The following COL5A2 variants were observed in gnomAD, a reference collection of about 807,000 sequenced individuals.
The protein encoded by COL5A2 is collagen alpha-2(V) chain.
A neutral mutation model predicts 208.2 loss-of-function variants in COL5A2; 23 were observed. The observed-to-expected ratio is 0.11, with a 90% confidence interval of 0.08 to 0.16. COL5A2 has a LOEUF of 0.16. COL5A2 is among the 10% of genes least tolerant of loss of function. The probability of loss-of-function intolerance (pLI) is 1.00; values close to 1 mark genes in which losing one functional copy is unlikely to be tolerated. For missense variants in COL5A2, 1,590 were observed against 1,956.4 expected, an observed-to-expected ratio of 0.81 and a Z score of 3.53; for synonymous variants, 625 against 628.5, an observed-to-expected ratio of 0.99 and a Z score of 0.08.
At chr2:189,101,814 GAGGCAGTTCTAT>G (rs1181544359) in intron 3 of COL5A2, among the ~76,000 whole-genome samples, 1 of 151,948 alleles carries the variant, frequency 6.6e-6, no homozygotes, top group Non-Finnish European at 1.5e-5. Flanking sequence ...CCAGAAGCAG[GAGGCAGTTCTAT>G]AGGGTAAGTT....
rs1553514920 is a variant in COL5A2 at position 189,058,490 on chromosome 2, C to T, written c.2168G>A (p.Gly723Glu). 6.2e-7 allele frequency: 1 copy of T among 1,613,958 alleles called. No homozygotes were observed. Among genetic ancestry groups the T allele is most frequent in the South Asian group, 1.1e-5 (1 of 91,074 alleles). The change falls in exon 33 of 54, where the codon GGG (glycine) becomes GAG (glutamate). Residue 723 changes from glycine (G) to glutamate (E), a missense_variant. Coordinates refer to ENST00000374866, the MANE Select transcript of COL5A2 (RefSeq NM_000393.5). ...CTTCTCACCAGGGAGTCCAGTTATCCCAGGTTCTCCTCTTTCCCCAGGATT... is the reference window on the plus strand; with the variant it reads ...CTTCTCACCAGGGAGTCCAGTTATCTCAGGTTCTCCTCTTTCCCCAGGATT... ...RGNPGERGEP[G>E]ITGLPGEKGM...
chr2:189,080,077 A>G (rs1294984673), intron 13 of COL5A2, 46 bp from the exon 14 acceptor site: 1 of 1,477,272 alleles, frequency 6.8e-7, no homozygotes, highest in Admixed American at 1.7e-5. Context: ...GTTTTTTTCA[A>G]TCCTCAAAGG....
intron 1 of COL5A2, among the ~76,000 whole-genome samples, chr2:189,153,307 C>A (rs1385082256): frequency 6.6e-6 from 1 of 152,132 alleles, no homozygotes; most frequent in Non-Finnish European, 1.5e-5. Context: ...TACATTATTT[C>A]ATTTGGTTCT....
intron 17 of COL5A2, among the ~76,000 whole-genome samples, chr2:189,075,070 T>C (rs1686374857): frequency 6.6e-6 from 1 of 152,198 alleles, no homozygotes; most frequent in South Asian, 2.1e-4. Flanking sequence ...GCCCACTGTG[T>C]TTTGTCATCT....
the COL5A2 span, among the ~76,000 whole-genome samples, chr2:189,401,169 C>G: frequency 1.3e-5 from 2 of 152,114 alleles, no homozygotes; most frequent in Non-Finnish European, 2.9e-5. Context: ...ATATTAAGCC[C>G]AGCATCCATG....
chr2:189,323,584 G>A, the COL5A2 span, among the ~76,000 whole-genome samples: 1 of 152,124 alleles, frequency 6.6e-6, no homozygotes, highest in Non-Finnish European at 1.5e-5. Flanking sequence ...GCTTCAAAGA[G>A]AATAAAATAC....
At chr2:189,417,507 T>C in the COL5A2 span, among the ~76,000 whole-genome samples, 3 of 152,246 alleles carry the variant, frequency 2.0e-5, no homozygotes, top group South Asian at 6.2e-4. Context: ...CAGATTATTT[T>C]GTTTAAACAC....
Position 189,063,967 on chromosome 2 carries a change from T to A in COL5A2, c.1770+13A>T, listed in dbSNP as rs1187938027. 1 of 1,607,340 alleles carries A rather than the reference T, an allele frequency of 6.2e-7. No homozygotes were observed. The highest frequency in any genetic ancestry group is 2.2e-5 in the East Asian group (1 of 44,696). On this transcript the variant is annotated intron_variant, in intron 26 of 53. Coordinates refer to ENST00000374866, the MANE Select transcript of COL5A2 (RefSeq NM_000393.5). ...AATATTAGTGGTTGTGGACTTCTGT[T>A]TAAATTACTTACCAAAGGTCCAAGT... is the stretch of plus-strand genomic sequence containing the variant.
intron 1 of COL5A2, among the ~76,000 whole-genome samples, chr2:189,122,851 G>A (rs915607341): frequency 1.3e-5 from 2 of 152,160 alleles, no homozygotes; most frequent in African/African-American, 4.8e-5. Flanking sequence ...GGCCACTAGT[G>A]GAAAATGTTA....
chr2:189,152,530 C>G (rs960751131), intron 1 of COL5A2, among the ~76,000 whole-genome samples: 87 of 152,318 alleles, frequency 5.7e-4, no homozygotes, highest in African/African-American at 2.0e-3. Flanking sequence ...CAGTGGAACA[C>G]AGTCAGGTGT....
At chr2:189,170,746 G>GT (rs1392797036) in intron 1 of COL5A2, among the ~76,000 whole-genome samples, 1 of 151,476 alleles carries the variant, frequency 6.6e-6, no homozygotes, top group Non-Finnish European at 1.5e-5. Context: ...GCACTCTTAG[G>GT]TAAAAAAAAA....
At chr2:189,289,715 AGT>A in the COL5A2 span, among the ~76,000 whole-genome samples, 1 of 152,234 alleles carries the variant, frequency 6.6e-6, no homozygotes, top group African/African-American at 2.4e-5. Flanking sequence ...TAAACATATT[AGT>A]AGTATTTCCG....
In COL5A2 at chr2:189,053,485, G is replaced by A. The variant is rs1576495930; in HGVS notation, c.2500-8C>T. On this transcript the variant is annotated splice_region_variant and splice_polypyrimidine_tract_variant and intron_variant, in intron 37 of 53. Transcript: ENST00000374866. The stretch of plus-strand genomic sequence containing the variant: ...ATTTTCACCTCGAGAACCCTAGGAG[G>A]AGACAAAGATTACTGTAGCTTTCAC... 1.2e-6 allele frequency: 2 copies of A among 1,612,998 alleles called. No individual in the cohort carries two copies. The highest frequency in any genetic ancestry group is 2.2e-5 in the East Asian group (1 of 44,800).
the COL5A2 span, among the ~76,000 whole-genome samples, chr2:189,347,602 T>G: frequency 6.6e-6 from 1 of 152,140 alleles, no homozygotes; most frequent in African/African-American, 2.4e-5. Context: ...TGTCAACAAG[T>G]GCCCCAGAGT....
chr2:189,226,447 T>C (rs1165815001), upstream of COL5A2, among the ~76,000 whole-genome samples: 5 of 152,040 alleles, frequency 3.3e-5, no homozygotes, highest in South Asian at 2.1e-4. Context: ...TTGAAGCAAG[T>C]AGAAGAATTT....
upstream of COL5A2, among the ~76,000 whole-genome samples, chr2:189,228,970 G>A (rs928246588): frequency 6.6e-6 from 1 of 151,768 alleles, no homozygotes; most frequent in South Asian, 2.1e-4. Flanking sequence ...ATGACCAAGC[G>A]AGATTTATCC....
At chr2:189,290,272 G>C in the COL5A2 span, among the ~76,000 whole-genome samples, 1 of 152,150 alleles carries the variant, frequency 6.6e-6, no homozygotes. Flanking sequence ...TTTGAACAAC[G>C]ACAAAATCAC....
chr2:189,269,206 G>T, the COL5A2 span, among the ~76,000 whole-genome samples: 140,883 of 152,178 alleles, frequency 0.93, 65,496 homozygotes, highest in East Asian at 1. Flanking sequence ...ATATAGCTAA[G>T]AAATTATTCC....
At chr2:189,259,818 C>T in the COL5A2 span, among the ~76,000 whole-genome samples, 4 of 151,972 alleles carry the variant, frequency 2.6e-5, no homozygotes, top group Non-Finnish European at 5.9e-5. Context: ...TACTAGGGTC[C>T]CTATCAGGGG....
Sources: allele counts gnomAD v4.1 joint callset (sites outside exome capture counted in the v4.1 genomes callset), GRCh38; gene constraint gnomAD v4.1.1; transcripts MANE v1.5; gene names NCBI Gene and HGNC (gene_info 2026-07-23, HGNC 2026-07-21).